DMD: variants seen among roughly 807,000 people sequenced by gnomAD.
The protein encoded by DMD is dystrophin.
A neutral mutation model predicts 330.1 loss-of-function variants in DMD; 63 were observed. That is an observed-to-expected ratio of 0.19 (90% CI 0.16 to 0.24). The LOEUF is 0.24. Ranked by LOEUF, DMD falls within the 10% of genes least tolerant of loss-of-function variation. The pLI is 1.00. For synonymous variants in DMD, 1,223 were observed against 959.8 expected (o/e 1.27, Z -5.07); for missense variants, 3,344 against 2,684.1 (o/e 1.25, Z -5.43).
At chrX:32,707,928 G>C (rs1272547660) in intron 7 of DMD, among the ~76,000 whole-genome samples, 1 of 112,104 alleles carries the variant, frequency 8.9e-6, no homozygotes, top group Non-Finnish European at 1.9e-5. Context: ...CTCTGCTTAA[G>C]TGATTGTCAC....
At position 31,177,874 on chromosome X, in the gene DMD, A is replaced by T. The variant is rs923015917; in HGVS notation, c.10262+58T>A. ...CAAACAAATAAACAGAACAAAAGAGAACCAAGCGAGCGAATGTGTTGGTGG... is the reference window on the plus strand; with the variant it reads ...CAAACAAATAAACAGAACAAAAGAGTACCAAGCGAGCGAATGTGTTGGTGG... On this transcript the variant is annotated intron_variant, in intron 71 of 78. Coordinates refer to ENST00000357033, the MANE Select transcript of DMD (RefSeq NM_004006.3). 1.1e-5 allele frequency: 11 copies of T among 1,005,955 alleles called. No individual in the cohort carries two copies. The East Asian group carries it at 3.4e-4, about 31-fold the overall frequency. 82.9% of individuals were successfully genotyped at this position (1,005,955 alleles called of 1,213,427 possible). A position where few individuals can be genotyped will look rare whatever the true frequency, so the allele number is the denominator to read the frequency against.
chrX:31,366,146 T>G (rs2059217521), intron 60 of DMD, among the ~76,000 whole-genome samples: 1 of 111,688 alleles, frequency 9.0e-6, no homozygotes, highest in Non-Finnish European at 1.9e-5. Flanking sequence ...TTTTCAAATT[T>G]GTATGACCAA....
intron 44 of DMD, among the ~76,000 whole-genome samples, chrX:32,075,909 C>T (rs35762732): frequency 9.3e-6 from 1 of 106,964 alleles, no homozygotes; most frequent in African/African-American, 3.4e-5. Context: ...ATTAGCCAGG[C>T]GTGGTGGCAG....
chrX:33,310,321 A>T (rs1023564922), intron 1 of DMD, among the ~76,000 whole-genome samples: 3 of 111,308 alleles, frequency 2.7e-5, no homozygotes, highest in Non-Finnish European at 5.7e-5. Context: ...ATTGCTTATT[A>T]TAAAAGACTA....
At chrX:32,392,452 G>GT (rs1464255366) in intron 30 of DMD, among the ~76,000 whole-genome samples, 1 of 110,640 alleles carries the variant, frequency 9.0e-6, no homozygotes, top group African/African-American at 3.3e-5. Flanking sequence ...TAGCGACAGG[G>GT]TTTTACCATG....
chrX:32,315,349 C>G (rs73619056), intron 41 of DMD, among the ~76,000 whole-genome samples: 20,260 of 108,163 alleles, frequency 0.19, 1,886 homozygotes, highest in African/African-American at 0.35. Context: ...AAACATATGG[C>G]CGCAGGGGCC....
chrX:32,070,799 A>G (rs775231084), intron 44 of DMD, among the ~76,000 whole-genome samples: 2 of 111,169 alleles, frequency 1.8e-5, no homozygotes, highest in South Asian at 7.6e-4. Flanking sequence ...GAATGATACA[A>G]TGGGCTTTGG....
chrX:32,061,569 A>G (rs1013688858), intron 44 of DMD, among the ~76,000 whole-genome samples: 1 of 111,457 alleles, frequency 9.0e-6, no homozygotes, highest in African/African-American at 3.3e-5. Flanking sequence ...GACGTAAATA[A>G]TTTTTAGCAC....
chrX:32,562,538 T>G (rs1317432845), intron 16 of DMD, among the ~76,000 whole-genome samples: 2 of 112,915 alleles, frequency 1.8e-5, no homozygotes, highest in Non-Finnish European at 3.7e-5. Flanking sequence ...AGAACTTTGC[T>G]CATTCTTTAT....
intron 7 of DMD, among the ~76,000 whole-genome samples, chrX:32,711,318 T>C (rs1414063292): frequency 9.0e-6 from 1 of 111,167 alleles, no homozygotes; most frequent in East Asian, 2.9e-4. Flanking sequence ...CTGTCTTTCC[T>C]GATGACCAGA....
intron 7 of DMD, among the ~76,000 whole-genome samples, chrX:32,808,369 G>A (rs1236536733): frequency 8.9e-6 from 1 of 112,077 alleles, no homozygotes; most frequent in African/African-American, 3.2e-5. Context: ...TCAATTGTAT[G>A]TGAATATTCT....
At chrX:31,255,774 T>A in intron 63 of DMD, among the ~76,000 whole-genome samples, 1 of 95,180 alleles carries the variant, frequency 1.1e-5, no homozygotes, top group Non-Finnish European at 2.1e-5. Flanking sequence ...CGTTACTTTT[T>A]TTTTTTTTTT....
intron 43 of DMD, among the ~76,000 whole-genome samples, chrX:32,243,171 G>A (rs1189478795): frequency 9.1e-6 from 1 of 110,066 alleles, no homozygotes; most frequent in African/African-American, 3.3e-5. Flanking sequence ...TAGGGCTAGG[G>A]TAAAGAAAAG....
chrX:32,027,740 AG>A (rs2095856903), intron 44 of DMD, among the ~76,000 whole-genome samples: 1 of 112,181 alleles, frequency 8.9e-6, no homozygotes, highest in Admixed American at 9.5e-5. Context: ...GAATAATGCG[AG>A]TGCTGTCAAA....
intron 7 of DMD, among the ~76,000 whole-genome samples, chrX:32,707,961 T>C (rs2064833436): frequency 8.9e-6 from 1 of 112,124 alleles, no homozygotes; most frequent in Admixed American, 9.5e-5. Flanking sequence ...TGCTTTGCTT[T>C]TGACCTAACC....
intron 13 of DMD, among the ~76,000 whole-genome samples, chrX:32,593,708 T>G (rs1435453817): frequency 8.9e-6 from 1 of 112,166 alleles, no homozygotes; most frequent in African/African-American, 3.2e-5. Flanking sequence ...AAAATTCAAA[T>G]GGGATGTGGA....
intron 74 of DMD, among the ~76,000 whole-genome samples, chrX:31,163,922 T>A (rs917928171): frequency 9.0e-5 from 10 of 111,479 alleles, no homozygotes; most frequent in African/African-American, 3.3e-4. Flanking sequence ...TTTGCAAATA[T>A]TTGCATATGT....
intron 2 of DMD, among the ~76,000 whole-genome samples, chrX:33,001,615 T>C (rs1602538896): frequency 8.9e-6 from 1 of 111,760 alleles, no homozygotes; most frequent in Non-Finnish European, 1.9e-5. Flanking sequence ...TTTTGTGTAT[T>C]ATTATTAGAC....
chrX:32,641,695 T>A (rs2059472427), intron 11 of DMD: 1 of 131,290 alleles, frequency 7.6e-6, no homozygotes, highest in African/African-American at 3.2e-5. Context: ...TAGCTTTGGA[T>A]ATACTTAATA....
Sources: gnomAD v4.1 joint callset for allele counts (sites outside exome capture counted in the v4.1 genomes callset) on GRCh38, gnomAD v4.1.1 for gene constraint, MANE v1.5 for transcripts, NCBI Gene and HGNC (gene_info 2026-07-23, HGNC 2026-07-21) for gene names.